The following WDFY3 variants were observed in gnomAD, a reference collection of about 807,000 sequenced individuals.
WDFY3 encodes the protein WD repeat and FYVE domain containing 3.
A neutral mutation model predicts 409.6 loss-of-function variants in WDFY3; 66 were observed. The observed-to-expected ratio is 0.16, with a 90% CI of 0.13 to 0.20. WDFY3 has a LOEUF of 0.20. Among genes scored for constraint, WDFY3 ranks in the 10% least tolerant of loss-of-function variants. The probability of loss-of-function intolerance (pLI) is 1.00; values close to 1 mark genes in which losing one functional copy is unlikely to be tolerated. For synonymous variants in WDFY3, 1,521 were observed against 1,537.1 expected, an observed-to-expected ratio of 0.99 and a Z score of 0.25; for missense variants, 3,031 against 4,298.1, an observed-to-expected ratio of 0.71 and a Z score of 8.24.
intron 17 of WDFY3, among the ~76,000 whole-genome samples, chr4:84,799,937 G>A (rs1378678697): frequency 6.6e-6 from 1 of 152,180 alleles, no homozygotes; most frequent in Non-Finnish European, 1.5e-5. Context: ...ACTATGCAAT[G>A]TAAGTTATCT....
chr4:84,801,971 G>C, intron 16 of WDFY3, 107 bp from the exon 17 acceptor site: 1 of 1,062,850 alleles, frequency 9.4e-7, no homozygotes, highest in Non-Finnish European at 1.3e-6. Flanking sequence ...TTTTGAGACG[G>C]AGTTTCGCTC....
intron 1 of WDFY3, among the ~76,000 whole-genome samples, chr4:84,959,842 T>A (rs917466241): frequency 6.6e-6 from 1 of 152,092 alleles, no homozygotes; most frequent in Non-Finnish European, 1.5e-5. Flanking sequence ...ATGGCAGCAA[T>A]AAAAATCAAA....
intron 3 of WDFY3, among the ~76,000 whole-genome samples, chr4:84,891,380 G>A (rs578211668): frequency 6.6e-6 from 1 of 151,918 alleles, no homozygotes; most frequent in South Asian, 2.1e-4. Context: ...CAAAAAAAAA[G>A]AAACCCTTAT....
At chr4:84,820,803 G>A (rs1221019405) in intron 11 of WDFY3, among the ~76,000 whole-genome samples, 5 of 152,098 alleles carry the variant, frequency 3.3e-5, no homozygotes, top group African/African-American at 1.2e-4. Context: ...GCACAAGGCA[G>A]TAGATACTAG....
chr4:84,745,442 T>C (rs560122897), intron 36 of WDFY3, among the ~76,000 whole-genome samples: 132 of 152,324 alleles, frequency 8.7e-4, no homozygotes, highest in African/African-American at 3.1e-3. Flanking sequence ...TGGAATGCTG[T>C]TCTATTTTCC....
At chr4:84,858,197 T>C (rs1055464261) in intron 4 of WDFY3, among the ~76,000 whole-genome samples, 1 of 152,176 alleles carries the variant, frequency 6.6e-6, no homozygotes, top group Admixed American at 6.5e-5. Context: ...GCTGTAAGTA[T>C]ATTATCTGAA....
At chr4:84,932,768 C>T (rs1369368596) in intron 1 of WDFY3, among the ~76,000 whole-genome samples, 1 of 152,124 alleles carries the variant, frequency 6.6e-6, no homozygotes, top group Non-Finnish European at 1.5e-5. Context: ...TGCTATTTCT[C>T]TAGGTGTATT....
chr4:84,833,051 A>G (rs1200470312), intron 7 of WDFY3, among the ~76,000 whole-genome samples: 3 of 151,982 alleles, frequency 2.0e-5, no homozygotes, highest in African/African-American at 7.2e-5. Flanking sequence ...CCAAAAACCT[A>G]AAGTCTGGCT....
At chr4:84,770,086 T>G (rs1203438457) in intron 30 of WDFY3, among the ~76,000 whole-genome samples, 2 of 151,990 alleles carry the variant, frequency 1.3e-5, no homozygotes, top group African/African-American at 4.8e-5. Flanking sequence ...TGGAGTGCAG[T>G]GGCGTGATCT....
chr4:84,769,589 T>G (rs1393675951), intron 30 of WDFY3, among the ~76,000 whole-genome samples: 1 of 151,696 alleles, frequency 6.6e-6, no homozygotes, highest in Non-Finnish European at 1.5e-5. Context: ...TAATTTTTTT[T>G]GTGTGTATTT....
chr4:84,903,250 T>C lies in WDFY3; in HGVS notation c.-131-6240A>G, dbSNP rs1766577427. 2.0e-5 allele frequency among the ~76,000 whole-genome samples: 3 copies of C among 152,164 alleles called. No individual in the cohort carries two copies. In the South Asian group the frequency reaches 6.2e-4, roughly 32 times the overall value. On this transcript the variant is annotated intron_variant, in intron 2 of 67. Coordinates refer to ENST00000295888, the MANE Select transcript of WDFY3 (RefSeq NM_014991.6). The stretch of plus-strand genomic sequence containing the variant: ...AATAAATGGAAAACCTCAGGGAATA[T>C]ATAATCTAAATGTAAAAATTTACAA...
chr4:84,844,408 C>A (rs1183448420), intron 5 of WDFY3: 1 of 1,278,152 alleles, frequency 7.8e-7, no homozygotes, highest in South Asian at 1.3e-5. Context: ...AGCTTCCATG[C>A]TTCTTTTCAT....
At chr4:84,827,196 AAAG>A (rs1754991417) in intron 9 of WDFY3, among the ~76,000 whole-genome samples, 1 of 152,168 alleles carries the variant, frequency 6.6e-6, no homozygotes, top group Non-Finnish European at 1.5e-5. Context: ...TAAAAAAAAA[AAAG>A]ATTTATTGGG....
chr4:84,851,130 A>G (rs901426136), intron 4 of WDFY3, among the ~76,000 whole-genome samples: 2 of 151,436 alleles, frequency 1.3e-5, no homozygotes, highest in African/African-American at 4.8e-5. Context: ...GAGTTCAGCA[A>G]AGAGAATTTG....
intron 3 of WDFY3, among the ~76,000 whole-genome samples, chr4:84,861,490 C>T (rs1232405962): frequency 6.6e-6 from 1 of 152,084 alleles, no homozygotes; most frequent in Non-Finnish European, 1.5e-5. Flanking sequence ...TACTATCCTA[C>T]TTTATCCTAT....
At chr4:84,865,784 C>T (rs1310410386) in intron 3 of WDFY3, among the ~76,000 whole-genome samples, 1 of 152,018 alleles carries the variant, frequency 6.6e-6, no homozygotes, top group Non-Finnish European at 1.5e-5. Context: ...TTACAAATGC[C>T]AGAGACCAGG....
intron 47 of WDFY3, among the ~76,000 whole-genome samples, chr4:84,720,101 G>C (rs1335189498): frequency 6.6e-6 from 1 of 152,062 alleles, no homozygotes; most frequent in East Asian, 1.9e-4. Context: ...AGGTTTACTG[G>C]TTGTCTATTA....
intron 67 of WDFY3, among the ~76,000 whole-genome samples, chr4:84,673,751 G>A (rs1725808239): frequency 6.6e-6 from 1 of 151,968 alleles, no homozygotes; most frequent in South Asian, 2.1e-4. Flanking sequence ...TTTAGGCTTG[G>A]ATTTTCAGAA....
chr4:84,774,363 T>C (rs1215921561), intron 29 of WDFY3, among the ~76,000 whole-genome samples: 1 of 152,254 alleles, frequency 6.6e-6, no homozygotes, highest in Non-Finnish European at 1.5e-5. Flanking sequence ...ATAATACTTA[T>C]ATCATACAAA....
Sources: allele counts gnomAD v4.1 joint callset (sites outside exome capture counted in the v4.1 genomes callset), GRCh38; gene constraint gnomAD v4.1.1; transcripts MANE v1.5; gene names NCBI Gene and HGNC (gene_info 2026-07-23, HGNC 2026-07-21).